Variants in A1CF observed in about 807,000 individuals in gnomAD.
A1CF encodes the protein APOBEC1 complementation factor, also known as APOBEC-1 stimulating protein.
A neutral mutation model predicts 68.9 loss-of-function variants in A1CF; 48 were observed. That is an observed-to-expected ratio of 0.70 (90% CI 0.55 to 0.89). The LOEUF is 0.89. Ranked by LOEUF, A1CF falls within the 40% of genes least tolerant of loss-of-function variation. The pLI is 0.00. For missense variants in A1CF, 653 were observed against 718.9 expected (o/e 0.91, Z 1.05); for synonymous variants, 272 against 260.4 (o/e 1.04, Z -0.43).
At chr10:50,884,022 C>T (rs1006123686) in intron 1 of A1CF, among the ~76,000 whole-genome samples, 1 of 152,182 alleles carries the variant, frequency 6.6e-6, no homozygotes, top group Non-Finnish European at 1.5e-5. Context: ...TTCACAGATG[C>T]TTGTTATCAT....
At chr10:50,829,582 A>G (rs1268684608) in intron 6 of A1CF, among the ~76,000 whole-genome samples, 5 of 152,296 alleles carry the variant, frequency 3.3e-5, no homozygotes, top group East Asian at 1.9e-4. Flanking sequence ...GTCTTAAGAG[A>G]TAACTGACCC....
intron 6 of A1CF, among the ~76,000 whole-genome samples, chr10:50,829,850 C>A (rs1289736073): frequency 1.3e-5 from 2 of 152,160 alleles, no homozygotes; most frequent in Admixed American, 6.5e-5. Flanking sequence ...TGTACTAGAG[C>A]CAGTTCTTAT....
rs766190079 is a variant in A1CF, at chr10:50,805,838, C to G, written c.*891G>C. 3 of 152,064 alleles carry G rather than the reference C, an allele frequency of 2.0e-5. No homozygotes were observed. The highest frequency in any genetic ancestry group is 4.4e-5 in the Non-Finnish European group (3 of 68,010). 9.4% of individuals were successfully genotyped at this position (152,064 alleles called of 1,614,324 possible). Reference sequence around the variant, plus strand: ...TCAATTTGCTGAAAGGAAGAAGTATCATAAATGATATTCTGTATATCTGAT... The same window carrying G: ...TCAATTTGCTGAAAGGAAGAAGTATGATAAATGATATTCTGTATATCTGAT... On this transcript the variant is annotated 3_prime_UTR_variant, in exon 13 of 13. Coordinates refer to ENST00000373997, the MANE Select transcript of A1CF (RefSeq NM_014576.4).
chr10:50,815,914 C>A, intron 9 of A1CF, 92 bp downstream of exon 9: 1 of 1,412,180 alleles, frequency 7.1e-7, no homozygotes, highest in South Asian at 1.4e-5. Flanking sequence ...TGCTTTTCTC[C>A]AAGTGGACCC....
At chr10:50,854,035 A>G (rs1840368666) in intron 3 of A1CF, among the ~76,000 whole-genome samples, 1 of 152,008 alleles carries the variant, frequency 6.6e-6, no homozygotes, top group Non-Finnish European at 1.5e-5. Context: ...CTAGGGACCT[A>G]TCACCCAAAT....
intron 8 of A1CF, among the ~76,000 whole-genome samples, chr10:50,816,729 C>A (rs1200627827): frequency 5.3e-5 from 8 of 152,138 alleles, no homozygotes; most frequent in Non-Finnish European, 1.5e-5. Flanking sequence ...GAAATCTTAT[C>A]AATTATTAGC....
chr10:50,809,929 A>T lies in A1CF; in HGVS notation c.1574T>A (p.Met525Lys). The T allele has an allele frequency of 6.2e-7, 1 of 1,614,040 alleles. No homozygotes were observed. Among genetic ancestry groups the T allele is most frequent in the South Asian group, 1.1e-5 (1 of 91,084 alleles). Reference protein sequence around the residue: ...GIPTDGGDGTMATAAAAATAF... With the variant: ...GIPTDGGDGTKATAAAAATAF... Reference sequence around the variant, plus strand: ...AGTAGCAGCAGCAGCAGCAGTAGCCATGGTGCCATCGCCTCCATCAGTGGG... The same window carrying T: ...AGTAGCAGCAGCAGCAGCAGTAGCCTTGGTGCCATCGCCTCCATCAGTGGG... Residue 525 changes from methionine to lysine, a missense_variant, in exon 12 of 13, where the codon ATG becomes AAG. Met to Lys is a moderately conservative substitution (Grantham distance 95). Coordinates refer to ENST00000373997, the MANE Select transcript of A1CF (RefSeq NM_014576.4).
intron 6 of A1CF, among the ~76,000 whole-genome samples, chr10:50,830,630 T>C (rs1302711072): frequency 6.6e-6 from 1 of 152,082 alleles, no homozygotes; most frequent in African/African-American, 2.4e-5. Flanking sequence ...AACAAATAAA[T>C]GGAAAAATAT....
chr10:50,814,839 TA>T (rs1838290413), intron 9 of A1CF, among the ~76,000 whole-genome samples: 1 of 152,222 alleles, frequency 6.6e-6, no homozygotes, highest in African/African-American at 2.4e-5. Flanking sequence ...ATGGATTGGT[TA>T]ATGAGGTGAT....
intron 3 of A1CF, among the ~76,000 whole-genome samples, chr10:50,851,045 C>G (rs1407815742): frequency 6.6e-6 from 1 of 152,186 alleles, no homozygotes; most frequent in Non-Finnish European, 1.5e-5. Flanking sequence ...GCTCTTCTAT[C>G]TTTTCCTAGT....
intron 3 of A1CF, among the ~76,000 whole-genome samples, chr10:50,852,029 TAG>T (rs1443129312): frequency 6.6e-6 from 1 of 152,218 alleles, no homozygotes; most frequent in East Asian, 1.9e-4. Flanking sequence ...CACAAATGAA[TAG>T]CACTTTAAGA....
chr10:50,855,020 A>G (rs944736986), intron 3 of A1CF, among the ~76,000 whole-genome samples: 2 of 152,036 alleles, frequency 1.3e-5, no homozygotes, highest in Non-Finnish European at 2.9e-5. Context: ...TTTATTAAAT[A>G]TATATTTAGG....
rs926334164 is a variant in A1CF, at chr10:50,804,008, A to G, written c.*2721T>C. 11 of 152,222 alleles carry G rather than the reference A, an allele frequency of 7.2e-5. No individual in the cohort carries two copies. Among genetic ancestry groups the G allele is most frequent in the African/African-American group, 2.2e-4 (9 of 41,470 alleles). The allele number at this position is 152,222 out of a possible 1,614,324, so 9.4% of individuals were successfully genotyped here. On this transcript the variant is annotated 3_prime_UTR_variant, in exon 13 of 13. Transcript: ENST00000373997. ...AACTTATGGTAGCAGGACTTGCTCT[A>G]TCTACCTAACTTGGGGAAAGTAAAA... is the stretch of plus-strand genomic sequence containing the variant.
intron 4 of A1CF, among the ~76,000 whole-genome samples, chr10:50,843,530 CA>C (rs1294202601): frequency 6.6e-6 from 1 of 152,098 alleles, no homozygotes; most frequent in East Asian, 1.9e-4. Context: ...TTTAGGTAGA[CA>C]AAAAATTCAG....
chr10:50,860,640 T>A (rs956514139), intron 2 of A1CF, among the ~76,000 whole-genome samples: 1 of 152,160 alleles, frequency 6.6e-6, no homozygotes, highest in Non-Finnish European at 1.5e-5. Context: ...ACATGAAAAC[T>A]TTTGTAAATT....
chr10:50,843,542 A>G (rs1839869330), intron 4 of A1CF, among the ~76,000 whole-genome samples: 1 of 152,200 alleles, frequency 6.6e-6, no homozygotes, highest in South Asian at 2.1e-4. Flanking sequence ...AAAAATTCAG[A>G]CCTGGAGATT....
Position 50,806,890 on chromosome 10 carries a change from G to C in A1CF, c.1610-10C>G. Reference sequence around the variant, plus strand: ...TTAGGGACAGCATATCCTGGAGGAAGAGGCAGAGAAAACTTGATGAAAGGA... The same window carrying C: ...TTAGGGACAGCATATCCTGGAGGAACAGGCAGAGAAAACTTGATGAAAGGA... On this transcript the variant is annotated splice_polypyrimidine_tract_variant and intron_variant, in intron 12 of 12. Transcript: ENST00000373997. 1.3e-6 allele frequency: 2 copies of C among 1,595,098 alleles called. No individual in the cohort carries two copies. Among genetic ancestry groups the C allele is most frequent in the Non-Finnish European group, 1.7e-6 (2 of 1,174,032 alleles).
rs555551381 is a variant in A1CF, at chr10:50,878,875, C to A, written c.-94+6706G>T. Among the ~76,000 whole-genome samples, 447 of 152,254 alleles carry A rather than the reference C, an allele frequency of 2.9e-3. 1 individual carries two copies. Among genetic ancestry groups the A allele is most frequent in the South Asian group, 9.1e-3 (44 of 4,818 alleles). ...TGTGATACTCAAATGACTTTACTAA[C>A]AAAATTCTTTAATAAGTTAATTCCT... On this transcript the variant is annotated intron_variant, in intron 1 of 12. Coordinates refer to ENST00000373997, the MANE Select transcript of A1CF (RefSeq NM_014576.4).
intron 9 of A1CF, 42 bp downstream of exon 9, chr10:50,815,964 A>G (rs1564497167): frequency 6.3e-7 from 1 of 1,597,364 alleles, no homozygotes. Flanking sequence ...GAGTCATTTG[A>G]AATCTTGGGA....
Sources: gnomAD v4.1 joint callset for allele counts (sites outside exome capture counted in the v4.1 genomes callset) on GRCh38, gnomAD v4.1.1 for gene constraint, MANE v1.5 for transcripts, NCBI Gene and HGNC (gene_info 2026-07-23, HGNC 2026-07-21) for gene names.